The following MKRN2 variants were observed in gnomAD, a reference collection of about 807,000 sequenced individuals.
MKRN2 encodes the protein makorin ring finger protein 2.
MKRN2 carries 32 observed loss-of-function variants against 45.4 expected under a neutral mutation model. The ratio of observed to expected loss-of-function variants is 0.70; its 90% confidence interval spans 0.53 to 0.95. The LOEUF is 0.95. MKRN2 is among the 40% of genes least tolerant of loss of function. The pLI, the probability that MKRN2 is intolerant of heterozygous loss-of-function variation, is 0.00. For synonymous variants in MKRN2, 206 were observed against 192.4 expected (o/e 1.07, Z -0.59); for missense variants, 526 against 536.7 (o/e 0.98, Z 0.20).
intron 1 of MKRN2, 74 bp from the exon 2 acceptor site, chr3:12,568,801 A>G: frequency 6.4e-7 from 1 of 1,554,372 alleles, no homozygotes; most frequent in South Asian, 1.2e-5. Flanking sequence ...TTTGTATGCT[A>G]AGTTCAAGAA....
rs554403152 is a variant in MKRN2, at chr3:12,582,191, G to T, written c.1189G>T (p.Asp397Tyr). The change falls in exon 8 of 8, where the codon GAC becomes TAC. Residue 397 changes from aspartate (D) to tyrosine (Y), a missense_variant. Asp to Tyr is a radical substitution (Grantham distance 160). Coordinates refer to ENST00000170447, the MANE Select transcript of MKRN2 (RefSeq NM_014160.5). ...GCATGTCCCCAACAATGAAGATGTC[G>T]ACATGACAGAGCTCGGGGACCTCTT... ...SRHVPNNEDV[D>Y]MTELGDLFMH... is the part of the protein sequence containing the mutation. The T allele has an allele frequency of 1.2e-6, 2 of 1,614,016 alleles. No homozygotes were observed. Among genetic ancestry groups the T allele is most frequent in the Admixed American group, 1.7e-5 (1 of 59,992 alleles).
chr3:12,569,211 G>C (rs946216141), intron 2 of MKRN2, among the ~76,000 whole-genome samples: 2 of 150,492 alleles, frequency 1.3e-5, no homozygotes, highest in Non-Finnish European at 2.9e-5. Context: ...GCCCAGGCTG[G>C]AGGGCAGTGG....
intron 1 of MKRN2, among the ~76,000 whole-genome samples, chr3:12,567,509 CAG>C (rs1471151397): frequency 2.0e-5 from 2 of 98,620 alleles, no homozygotes; most frequent in South Asian, 3.2e-4. Context: ...TTTTTTGAGA[CAG>C]AGTTTTTGCT....
chr3:12,558,307 C>T (rs529189997), intron 1 of MKRN2, among the ~76,000 whole-genome samples: 1 of 152,262 alleles, frequency 6.6e-6, no homozygotes, highest in East Asian at 1.9e-4. Context: ...AAGACTTTTA[C>T]TAGGTTATTT....
intron 1 of MKRN2, among the ~76,000 whole-genome samples, chr3:12,559,488 G>A (rs183669716): frequency 2.6e-5 from 4 of 152,090 alleles, no homozygotes; most frequent in Admixed American, 1.3e-4. Flanking sequence ...TTGTTTTCCT[G>A]ACTGTGGGAT....
intron 1 of MKRN2, among the ~76,000 whole-genome samples, chr3:12,567,652 C>G (rs954117610): frequency 6.6e-6 from 1 of 152,004 alleles, no homozygotes; most frequent in Non-Finnish European, 1.5e-5. Context: ...CCACTCCTGA[C>G]TAATTTTGTA....
At chr3:12,557,222 C>T (rs1485294510) in intron 1 of MKRN2, 46 bp downstream of exon 1, 2 of 1,525,574 alleles carry the variant, frequency 1.3e-6, no homozygotes, top group African/African-American at 1.4e-5. Flanking sequence ...CCCCAGGCCG[C>T]AGGGGGGCCG....
At chr3:12,570,321 C>T in intron 3 of MKRN2, 69 bp downstream of exon 3, 1 of 1,475,380 alleles carries the variant, frequency 6.8e-7, no homozygotes, top group Non-Finnish European at 9.2e-7. Flanking sequence ...GTGCTCCTTT[C>T]TAGCCTCCTC....
chr3:12,576,223 GTGTGTGTA>G (rs1177233513), intron 5 of MKRN2, among the ~76,000 whole-genome samples: 1 of 144,876 alleles, frequency 6.9e-6, no homozygotes, highest in East Asian at 2.0e-4. Flanking sequence ...GTGTGTGTGT[GTGTGTGTA>G]TTTTTTTTGC....
chr3:12,582,887 G>A lies in MKRN2; in HGVS notation c.*634G>A, dbSNP rs1030399639. On this transcript the variant is annotated 3_prime_UTR_variant, in exon 8 of 8. Coordinates refer to ENST00000170447, the MANE Select transcript of MKRN2 (RefSeq NM_014160.5). ...TGCCACATGTGCAGCAAACAAAGTG[G>A]AAGTATAGATCTTCTTCTCCCTTAG... is the stretch of plus-strand genomic sequence containing the variant. The A allele has an allele frequency of 2.6e-5, 4 of 152,698 alleles. No individual in the cohort carries two copies. The highest frequency in any genetic ancestry group is 9.7e-5 in the African/African-American group (4 of 41,450). The allele number at this position is 152,698 out of a possible 1,614,324, so 9.5% of individuals were successfully genotyped here.
intron 1 of MKRN2, among the ~76,000 whole-genome samples, chr3:12,559,148 G>T (rs1008281479): frequency 2.6e-5 from 4 of 152,184 alleles, no homozygotes; most frequent in Non-Finnish European, 5.9e-5. Flanking sequence ...TCACAAAAGG[G>T]TGTAAAGGAG....
At chr3:12,581,028 G>A (rs377377207) in intron 6 of MKRN2, among the ~76,000 whole-genome samples, 3 of 151,964 alleles carry the variant, frequency 2.0e-5, no homozygotes, top group Non-Finnish European at 4.4e-5. Context: ...CTTCAGTTTG[G>A]GATCCTTTAT....
intron 3 of MKRN2, 66 bp from the exon 4 acceptor site, chr3:12,572,003 T>A: frequency 6.8e-7 from 1 of 1,462,612 alleles, no homozygotes; most frequent in South Asian, 1.4e-5. Flanking sequence ...TGTTAGGCTT[T>A]GGCTAACGGC....
intron 5 of MKRN2, among the ~76,000 whole-genome samples, chr3:12,576,406 G>A (rs1425591985): frequency 6.6e-6 from 1 of 152,018 alleles, no homozygotes; most frequent in African/African-American, 2.4e-5. Context: ...GCACCGACAG[G>A]CCCCGGTGTG....
At chr3:12,569,347 A>C (rs1219366169) in intron 2 of MKRN2, among the ~76,000 whole-genome samples, 6 of 149,028 alleles carry the variant, frequency 4.0e-5, no homozygotes, top group Admixed American at 2.7e-4. Context: ...TTTTTAGTAG[A>C]GATGGGGTTT....
intron 1 of MKRN2, among the ~76,000 whole-genome samples, chr3:12,557,712 G>GCT (rs1322746412): frequency 6.6e-6 from 1 of 152,226 alleles, no homozygotes; most frequent in East Asian, 1.9e-4. Context: ...TATCGGCGAA[G>GCT]CGCCCTGCAT....
rs1460813714 is a variant in MKRN2, at chr3:12,572,361, G to A, written c.630G>A (p.Lys210=). The A allele has an allele frequency of 6.4e-7, 1 of 1,569,840 alleles. No individual in the cohort carries two copies. The highest frequency in any genetic ancestry group is 1.4e-5 in the African/African-American group (1 of 73,728). The change falls in exon 4 of 8, where the codon AAG becomes AAA. Residue 210 remains lysine (K), a synonymous_variant. Coordinates refer to ENST00000170447, the MANE Select transcript of MKRN2 (RefSeq NM_014160.5). ...ACCCATTCGACCCAGAGCAGAGGAAGGCTCATGAAAAGGTAAAGTCACAAA... is the reference window on the plus strand; with the variant it reads ...ACCCATTCGACCCAGAGCAGAGGAAAGCTCATGAAAAGGTAAAGTCACAAA... ...VLHPFDPEQR[K]AHEKICMLTF...
Position 12,582,487 on chromosome 3 carries a change from AC to A in MKRN2, c.*235del. The A allele has an allele frequency of 2.0e-6, 1 of 508,244 alleles. No homozygotes were observed. The highest frequency in any genetic ancestry group is 3.1e-5 in the South Asian group (1 of 31,884). The allele number at this position is 508,244 out of a possible 1,614,324, so 31.5% of individuals were successfully genotyped here. A position where few individuals can be genotyped will look rare whatever the true frequency, so the allele number is the denominator to read the frequency against. ...TGCTATTTTTATAGCTGATATAGTT[AC>A]ACCTCAAGCCCCTCAGGGGTAACAA... On this transcript the variant is annotated 3_prime_UTR_variant, in exon 8 of 8. Coordinates refer to ENST00000170447, the MANE Select transcript of MKRN2 (RefSeq NM_014160.5).
At chr3:12,563,529 C>T (rs2058051749) in intron 1 of MKRN2, among the ~76,000 whole-genome samples, 2 of 141,550 alleles carry the variant, frequency 1.4e-5, no homozygotes, top group Admixed American at 7.3e-5. Context: ...CTCACTCTGT[C>T]GCCAGGCTGG....
Sources: allele counts gnomAD v4.1 joint callset (sites outside exome capture counted in the v4.1 genomes callset), GRCh38; gene constraint gnomAD v4.1.1; transcripts MANE v1.5; gene names NCBI Gene and HGNC (gene_info 2026-07-23, HGNC 2026-07-21).